BIRC6: variants seen among roughly 807,000 people sequenced by gnomAD.
The protein encoded by BIRC6 is baculoviral IAP repeat containing 6.
BIRC6 carries 98 observed loss-of-function variants against 503.3 expected under a neutral mutation model. The ratio of observed to expected loss-of-function variants is 0.19; its 90% confidence interval spans 0.17 to 0.23. The LOEUF is 0.23. BIRC6 is among the 10% of genes least tolerant of loss of function. The pLI is 1.00. For synonymous variants in BIRC6, 2,240 were observed against 2,078.7 expected, an observed-to-expected ratio of 1.08 and a Z score of -2.11; for missense variants, 5,360 against 5,806.0, an observed-to-expected ratio of 0.92 and a Z score of 2.50.
intron 33 of BIRC6, 147 bp from the exon 34 acceptor site, chr2:32,476,066 A>C (rs1332718436): frequency 1.7e-6 from 1 of 582,686 alleles, no homozygotes; most frequent in Admixed American, 4.1e-5. Context: ...TGATTTTTTA[A>C]AAAATTATCA....
At chr2:32,380,113 G>T in intron 2 of BIRC6, 40 bp from the exon 3 acceptor site, 2 of 1,389,238 alleles carry the variant, frequency 1.4e-6, no homozygotes, top group Non-Finnish European at 1.9e-6. Context: ...TTCTTGTGTT[G>T]AATTTTCTGT....
intron 71 of BIRC6, among the ~76,000 whole-genome samples, chr2:32,605,057 ATT>A: frequency 6.6e-6 from 1 of 151,786 alleles, no homozygotes; most frequent in Non-Finnish European, 1.5e-5. Flanking sequence ...TAATTTTTGT[ATT>A]TTTAGTAGAG....
intron 22 of BIRC6, among the ~76,000 whole-genome samples, chr2:32,452,193 T>G (rs2046800053): frequency 1.3e-5 from 2 of 152,152 alleles, no homozygotes; most frequent in African/African-American, 4.8e-5. Flanking sequence ...AAACAACATT[T>G]TATAACACGT....
At chr2:32,448,486 C>G (rs889400926) in intron 21 of BIRC6, among the ~76,000 whole-genome samples, 1 of 151,714 alleles carries the variant, frequency 6.6e-6, no homozygotes, top group Non-Finnish European at 1.5e-5. Flanking sequence ...CCGTCTCCAC[C>G]AAAAAAAACC....
At chr2:32,407,086 A>G (rs1291239215) in intron 9 of BIRC6, among the ~76,000 whole-genome samples, 1 of 152,214 alleles carries the variant, frequency 6.6e-6, no homozygotes, top group Non-Finnish European at 1.5e-5. Context: ...TAACTCTTCT[A>G]CTTAATATAG....
At chr2:32,484,506 G>A (rs1446534897) in intron 39 of BIRC6, among the ~76,000 whole-genome samples, 5 of 149,024 alleles carry the variant, frequency 3.4e-5, no homozygotes, top group East Asian at 2.0e-4. Context: ...AGCCAAGATC[G>A]TGCTGCTGCA....
rs779431710 is a variant in BIRC6 at position 32,468,660 on chromosome 2, C to T, written c.6004C>T (p.Arg2002Trp). ...GCTCAAAGTGGCGCTAGGTGCAAGCCGGAAGATGTTGAGTGAAACATCAAA... is the reference window on the plus strand; with the variant it reads ...GCTCAAAGTGGCGCTAGGTGCAAGCTGGAAGATGTTGAGTGAAACATCAAA... ...QRLKVALGAS[R>W]KMLSETSNPE... The change falls in exon 29 of 74, where the codon CGG becomes TGG. Residue 2002 changes from arginine (R) to tryptophan (W), a missense_variant. By Grantham distance (101) the Arg-to-Trp change is moderately radical. Around this residue, in one of 16 missense-constraint regions of BIRC6, gnomAD observed 2,299 missense variants for 2,267.2 expected, o/e 1.01. Coordinates refer to ENST00000421745, the MANE Select transcript of BIRC6 (RefSeq NM_016252.4). The T allele has an allele frequency of 1.9e-5, 30 of 1,613,820 alleles. No homozygotes were observed. The South Asian group carries it at 2.3e-4, about 12-fold the overall frequency.
Position 32,543,374 on chromosome 2 carries a change from C to T in BIRC6, c.12425C>T (p.Pro4142Leu), listed in dbSNP as rs1380848966. 6.2e-7 allele frequency: 1 copy of T among 1,613,860 alleles called. No homozygotes were observed. The highest frequency in any genetic ancestry group is 8.5e-7 in the Non-Finnish European group (1 of 1,179,882). The change falls in exon 62 of 74, where the codon CCT becomes CTT. Residue 4142 changes from proline (P) to leucine (L), a missense_variant. Coordinates refer to ENST00000421745, the MANE Select transcript of BIRC6 (RefSeq NM_016252.4). ...GAAACTGTTGCGGCTGAACCTCCAC[C>T]TATCAAGTCAGCAGTACAGACCATG... ...APETVAAEPPPIKSAVQTMSP... is the reference protein window; with the variant it reads ...APETVAAEPPLIKSAVQTMSP...
At chr2:32,499,061 T>A (rs981015893) in intron 45 of BIRC6, among the ~76,000 whole-genome samples, 1 of 152,222 alleles carries the variant, frequency 6.6e-6, no homozygotes, top group African/African-American at 2.4e-5. Context: ...GCTGTTAGAC[T>A]TTTCAGCATT....
At position 32,414,927 on chromosome 2, in the gene BIRC6, A is replaced by G; in HGVS notation, c.1636A>G (p.Asn546Asp). 1 of 1,613,972 alleles carries G rather than the reference A, an allele frequency of 6.2e-7. No individual in the cohort carries two copies. Among genetic ancestry groups the G allele is most frequent in the Non-Finnish European group, 8.5e-7 (1 of 1,179,894 alleles). Residue 546 changes from asparagine (N) to aspartate (D), a missense_variant, in exon 10 of 74, where the codon AAC (asparagine) becomes GAC (aspartate). This residue lies in a region of BIRC6 where 700 missense variants were observed against 739.3 expected (regional missense o/e 0.95). Transcript: ENST00000421745. ...EELGANPCLT[N>D]SKSEKTKEKH... ...ACTTGGGGCAAATCCTTGTTTAACA[A>G]ACTCTAAGAGTGAAAAGACAAAGGA...
Position 32,376,185 on chromosome 2 carries a change from CAAA to C in BIRC6, c.326-1387_326-1385del, listed in dbSNP as rs35262687. On this transcript the variant is annotated intron_variant, in intron 1 of 73. Coordinates refer to ENST00000421745, the MANE Select transcript of BIRC6 (RefSeq NM_016252.4). ...TGGGGGACAGGGCAAGACTCGGTCTCAAAAAAAAAAAAAAAAAAGGAAAATACA... is the reference window on the plus strand; with the variant it reads ...TGGGGGACAGGGCAAGACTCGGTCTCAAAAAAAAAAAAAAAGGAAAATACA... 6.0e-4 allele frequency among the ~76,000 whole-genome samples: 64 copies of C among 106,058 alleles called. 1 individual carries two copies. The highest frequency in any genetic ancestry group is 4.6e-3 in the Middle Eastern group (1 of 218). 69.6% of individuals were successfully genotyped at this position (106,058 alleles called of 152,430 possible).
intron 15 of BIRC6, among the ~76,000 whole-genome samples, chr2:32,438,389 T>G (rs2044985264): frequency 6.6e-6 from 1 of 152,152 alleles, no homozygotes; most frequent in African/African-American, 2.4e-5. Context: ...GTGATAGCAT[T>G]TATAATCATG....
chr2:32,584,912 G>C (rs754564463), intron 66 of BIRC6, among the ~76,000 whole-genome samples: 1 of 152,074 alleles, frequency 6.6e-6, no homozygotes, highest in Non-Finnish European at 1.5e-5. Context: ...GATGCCCTTA[G>C]GCTGGCAATA....
intron 1 of BIRC6, among the ~76,000 whole-genome samples, chr2:32,362,969 T>A (rs1296721607): frequency 6.6e-6 from 1 of 152,226 alleles, no homozygotes; most frequent in African/African-American, 2.4e-5. Flanking sequence ...GTAAAGTGTT[T>A]GCAGCAGTGT....
chr2:32,471,053 TG>T lies in BIRC6; in HGVS notation c.6523del (p.Val2175CysfsTer22). ...CCCATGATCAGTTGGGTTGTTATGC[TG>T]GTGTCCAGGTTGCTGGATTATGTGG... ...DIPMISWVVM[L>X]VSRLLDYVAT... On this transcript the variant is annotated frameshift_variant, in exon 32 of 74. Coordinates refer to ENST00000421745, the MANE Select transcript of BIRC6 (RefSeq NM_016252.4). LOFTEE classifies it high-confidence loss of function. The T allele has an allele frequency of 6.3e-7, 1 of 1,582,382 alleles. No individual in the cohort carries two copies. The highest frequency in any genetic ancestry group is 1.3e-5 in the African/African-American group (1 of 74,670).
intron 65 of BIRC6, among the ~76,000 whole-genome samples, chr2:32,571,897 A>G (rs369104897): frequency 4.6e-5 from 7 of 152,164 alleles, no homozygotes; most frequent in African/African-American, 1.7e-4. Context: ...TGCATTTGCT[A>G]TATCCCACAG....
intron 1 of BIRC6, among the ~76,000 whole-genome samples, chr2:32,363,230 G>T (rs1558523464): frequency 6.6e-6 from 1 of 152,212 alleles, no homozygotes. Flanking sequence ...TACTCGGGAG[G>T]CTGAGGTGGG....
At chr2:32,529,478 A>C (rs1034565340) in intron 59 of BIRC6, 173 bp from the exon 60 acceptor site, 1 of 555,120 alleles carries the variant, frequency 1.8e-6, no homozygotes, top group African/African-American at 1.9e-5. Flanking sequence ...ATTATATGTC[A>C]GAAATAAACT....
At chr2:32,609,452 C>T (rs1354589894) in intron 72 of BIRC6, among the ~76,000 whole-genome samples, 16 of 152,002 alleles carry the variant, frequency 1.1e-4, no homozygotes, top group Admixed American at 1.0e-3. Context: ...AAAATTGTTT[C>T]ACTTGATCAT....
Sources: allele counts gnomAD v4.1 joint callset (sites outside exome capture counted in the v4.1 genomes callset), GRCh38; gene constraint gnomAD v4.1.1; regional missense constraint gnomAD v4.1.1; transcripts MANE v1.5; gene names NCBI Gene and HGNC (gene_info 2026-07-23, HGNC 2026-07-21).